The following ERAP1 variants were observed in gnomAD, a reference collection of about 807,000 sequenced individuals.
ERAP1 encodes the protein adipocyte-derived leucine aminopeptidase.
ERAP1 carries 86 observed loss-of-function variants against 103.7 expected under a neutral mutation model. The ratio of observed to expected loss-of-function variants is 0.83; its 90% confidence interval spans 0.70 to 0.99. The LOEUF is 0.99. Among genes scored for constraint, ERAP1 ranks in the 50% least tolerant of loss-of-function variants. The pLI is 0.00. For missense variants in ERAP1, 1,009 were observed against 1,128.4 expected (o/e 0.89, Z 1.52); for synonymous variants, 398 against 402.4 (o/e 0.99, Z 0.13).
At chr5:96,800,794 T>G in intron 3 of ERAP1, 68 bp downstream of exon 3, 1 of 1,558,128 alleles carries the variant, frequency 6.4e-7, no homozygotes, top group Non-Finnish European at 8.9e-7. Flanking sequence ...TGACTGTCAC[T>G]GGGCTAGTGC....
the ERAP1 span, among the ~76,000 whole-genome samples, chr5:96,837,566 C>A: frequency 1.3e-4 from 20 of 152,274 alleles, no homozygotes; most frequent in Non-Finnish European, 2.5e-4. Flanking sequence ...CCTTTGGGCG[C>A]CACCAGGAGC....
In ERAP1 at chr5:96,793,463, A is replaced by G; in HGVS notation, c.1125T>C (p.Asn375=). 1 of 1,613,976 alleles carries G rather than the reference A, an allele frequency of 6.2e-7. No individual in the cohort carries two copies. The highest frequency in any genetic ancestry group is 1.1e-5 in the South Asian group (1 of 91,080). Residue 375 remains asparagine, a synonymous_variant, in exon 7 of 19, where the codon AAT becomes AAC. Coordinates refer to ENST00000443439, the MANE Select transcript of ERAP1 (RefSeq NM_001040458.3). ...ACTCCATAAATTTGGCAAATCCTTC[A>G]TTTAGCCAAAGATCATTCCACCATT... ...TMEWWNDLWL[N]EGFAKFMEFV...
the ERAP1 span, among the ~76,000 whole-genome samples, chr5:96,854,382 A>G: frequency 6.6e-6 from 1 of 152,166 alleles, no homozygotes; most frequent in Non-Finnish European, 1.5e-5. Context: ...ACTTGGATGT[A>G]TAAATGAATC....
At chr5:96,891,159 A>G in the ERAP1 span, among the ~76,000 whole-genome samples, 3,578 of 152,246 alleles carry the variant, frequency 0.024, 67 homozygotes, top group Middle Eastern at 0.092. Flanking sequence ...AACTCCAGAC[A>G]ATGTAATTAT....
chr5:96,908,814 C>A, the ERAP1 span: 1 of 754,794 alleles, frequency 1.3e-6, no homozygotes, highest in Non-Finnish European at 2.1e-6. Context: ...CTCAGCTAGT[C>A]AGTGGCAGAG....
At chr5:96,899,728 T>A in the ERAP1 span, among the ~76,000 whole-genome samples, 21 of 151,996 alleles carry the variant, frequency 1.4e-4, no homozygotes, top group Admixed American at 1.4e-3. Context: ...CAGGGGAGAG[T>A]TAACAGTACT....
chr5:96,771,666 C>T (rs755515061), downstream of ERAP1: 3 of 1,611,382 alleles, frequency 1.9e-6, no homozygotes, highest in Middle Eastern at 1.6e-4. Context: ...ACTTCCAAGC[C>T]AAAAGATGAC....
chr5:96,880,595 T>C, the ERAP1 span, among the ~76,000 whole-genome samples: 1 of 152,234 alleles, frequency 6.6e-6, no homozygotes, highest in Non-Finnish European at 1.5e-5. Flanking sequence ...AGTCTTCATC[T>C]GGGACCAGAA....
downstream of ERAP1, chr5:96,774,481 C>T (rs1020422124): frequency 3.0e-6 from 3 of 984,288 alleles, no homozygotes; most frequent in Admixed American, 1.8e-4. Flanking sequence ...TGCAAATATC[C>T]ACTTAGAGGC....
intron 7 of ERAP1, among the ~76,000 whole-genome samples, chr5:96,792,466 A>G (rs989280547): frequency 5.9e-5 from 9 of 152,244 alleles, no homozygotes; most frequent in Non-Finnish European, 1.0e-4. Flanking sequence ...CGAAACAATT[A>G]TGCCTATAGC....
the ERAP1 span, among the ~76,000 whole-genome samples, chr5:96,927,959 G>A: frequency 5.3e-5 from 8 of 152,052 alleles, no homozygotes; most frequent in Non-Finnish European, 1.2e-4. Flanking sequence ...AGGCTGGAGT[G>A]CAGTGGCATG....
chr5:96,795,896 G>C (rs13173351), intron 4 of ERAP1, among the ~76,000 whole-genome samples: 24,679 of 152,058 alleles, frequency 0.16, 2,266 homozygotes, highest in Non-Finnish European at 0.22. Flanking sequence ...AAAGAATTCA[G>C]ATAAAACAAT....
chr5:96,803,831 A>G lies in ERAP1; in HGVS notation c.96T>C (p.Cys32=), dbSNP rs149643795. The part of the protein sequence containing the change: ...ALLTVSTPSW[C]QSTEASPKRS... The stretch of plus-strand genomic sequence containing the variant: ...GTTTTGGAGATGCTTCAGTGCTCTG[A>G]CACCATGAAGGAGTGGACACAGTTA... The change falls in exon 2 of 19, where the codon TGT becomes TGC. Residue 32 remains cysteine, a synonymous_variant. Transcript: ENST00000443439. 3 of 1,614,058 alleles carry G rather than the reference A, an allele frequency of 1.9e-6. No homozygotes were observed. Among genetic ancestry groups the G allele is most frequent in the African/African-American group, 2.7e-5 (2 of 74,930 alleles).
chr5:96,803,404 T>G lies in ERAP1; in HGVS notation c.523A>C (p.Arg175=), dbSNP rs141992697. 2 of 1,613,006 alleles carry G rather than the reference T, an allele frequency of 1.2e-6. No homozygotes were observed. The highest frequency in any genetic ancestry group is 1.7e-6 in the Non-Finnish European group (2 of 1,179,714). ...AAAGAAAAAGAGAAAAAAAAATACCTCAGTTCCCCTTCCTTGGTTCTGTAG... is the reference window on the plus strand; with the variant it reads ...AAAGAAAAAGAGAAAAAAAAATACCGCAGTTCCCCTTCCTTGGTTCTGTAG... ...STYRTKEGEL[R]ILASTQFEPT... Residue 175 remains arginine (R), a splice_region_variant and synonymous_variant, in exon 2 of 19, where the codon AGG becomes CGG. Transcript: ENST00000443439.
the ERAP1 span, among the ~76,000 whole-genome samples, chr5:96,920,003 G>A: frequency 6.6e-6 from 1 of 152,126 alleles, no homozygotes; most frequent in Non-Finnish European, 1.5e-5. Flanking sequence ...GGGAAGAGTG[G>A]ACACTTTGAC....
the ERAP1 span, chr5:96,903,493 C>A: frequency 6.2e-7 from 1 of 1,614,042 alleles, no homozygotes; most frequent in South Asian, 1.1e-5. Flanking sequence ...ACAGCTGAAT[C>A]AGAACCACAC....
the ERAP1 span, among the ~76,000 whole-genome samples, chr5:96,885,447 A>T: frequency 1.3e-5 from 2 of 152,218 alleles, no homozygotes; most frequent in African/African-American, 2.4e-5. Flanking sequence ...CTTTTCTTAC[A>T]GTATTTTATC....
downstream of ERAP1, chr5:96,772,559 T>C (rs1457230295): frequency 6.5e-6 from 1 of 152,788 alleles, no homozygotes; most frequent in Non-Finnish European, 1.5e-5. Flanking sequence ...ATGCTTTTGC[T>C]AAGTGGTATA....
the ERAP1 span, among the ~76,000 whole-genome samples, chr5:96,861,981 C>CT: frequency 4.7e-4 from 72 of 152,096 alleles, no homozygotes; most frequent in South Asian, 1.2e-3. Context: ...TATTGTGATT[C>CT]TTTTTGAAAA....
Sources: gnomAD v4.1 joint callset for allele counts (sites outside exome capture counted in the v4.1 genomes callset) on GRCh38, gnomAD v4.1.1 for gene constraint, MANE v1.5 for transcripts, NCBI Gene and HGNC (gene_info 2026-07-23, HGNC 2026-07-21) for gene names.